Variants in TMX2 observed in about 807,000 individuals in gnomAD.
The protein encoded by TMX2 is thioredoxin related transmembrane protein 2, also known as thioredoxin-related transmembrane protein 2.
A neutral mutation model predicts 33.4 loss-of-function variants in TMX2; 20 were observed. That is an observed-to-expected ratio of 0.60 (90% CI 0.42 to 0.87). The LOEUF is 0.87. Ranked by LOEUF, TMX2 falls within the 40% of genes least tolerant of loss-of-function variation. The pLI, the probability that TMX2 is intolerant of heterozygous loss-of-function variation, is 0.00. For missense variants in TMX2, 340 were observed against 370.7 expected (o/e 0.92, Z 0.68); for synonymous variants, 166 against 140.7 (o/e 1.18, Z -1.27).
intron 1 of TMX2, among the ~76,000 whole-genome samples, chr11:57,721,332 A>G (rs1947613936): frequency 6.8e-6 from 1 of 147,258 alleles, no homozygotes; most frequent in Non-Finnish European, 1.5e-5. Context: ...TTTTATTTAA[A>G]TAAATAAATA....
intron 1 of TMX2, among the ~76,000 whole-genome samples, chr11:57,717,714 C>A (rs530426071): frequency 7.7e-5 from 1 of 12,920 alleles, no homozygotes; most frequent in Non-Finnish European, 1.1e-4. Context: ...AGAGGGAGAC[C>A]GAGAGGGAGA....
At chr11:57,740,024 A>G (rs1948994545) in intron 7 of TMX2, 75 bp from the exon 8 acceptor site, 1 of 1,601,750 alleles carries the variant, frequency 6.2e-7, no homozygotes, top group Non-Finnish European at 8.5e-7. Flanking sequence ...ACTTTGTGTA[A>G]AATACCTCTT....
chr11:57,740,252 C>T lies in TMX2; in HGVS notation c.*7C>T, dbSNP rs1429783587. On this transcript the variant is annotated 3_prime_UTR_variant, in exon 8 of 8. Coordinates refer to ENST00000278422, the MANE Select transcript of TMX2 (RefSeq NM_015959.4). ...AAACAAGAAGGATAAATAAGATCCT[C>T]ACTTTGGCAGTGCTTCCTCTCCTGT... 1.9e-6 allele frequency: 3 copies of T among 1,582,170 alleles called. No homozygotes were observed. Among genetic ancestry groups the T allele is most frequent in the African/African-American group, 1.4e-5 (1 of 73,408 alleles).
Position 57,738,026 on chromosome 11 carries a change from G to C in TMX2, c.364G>C (p.Val122Leu), listed in dbSNP as rs1278129355. The change falls in exon 3 of 8, where the codon GTG becomes CTG. Residue 122 changes from valine to leucine, a missense_variant and splice_region_variant. Physicochemically the swap from Val to Leu is conservative, Grantham distance 32 (BLOSUM62 1). Transcript: ENST00000278422. ...MGLLYITLCI[V>L]FLMTCKPPLY... ...CCTACTTTACATCACACTCTGCATA[G>C]GTGAGGAGACTGCCTTTCTTTCTTT... 6.3e-7 allele frequency: 1 copy of C among 1,576,030 alleles called. No individual in the cohort carries two copies. The highest frequency in any genetic ancestry group is 8.6e-7 in the Non-Finnish European group (1 of 1,165,282).
intron 1 of TMX2, among the ~76,000 whole-genome samples, chr11:57,727,524 T>TA (rs1948083978): frequency 6.6e-6 from 1 of 152,174 alleles, no homozygotes; most frequent in Non-Finnish European, 1.5e-5. Flanking sequence ...CTAAAAACCA[T>TA]AAATTCTCAT....
chr11:57,714,648 C>T (rs1303902898), intron 1 of TMX2, among the ~76,000 whole-genome samples: 1 of 151,998 alleles, frequency 6.6e-6, no homozygotes, highest in Non-Finnish European at 1.5e-5. Flanking sequence ...AGCTGGAGTG[C>T]AGTGATGTGA....
At chr11:57,715,509 C>G (rs1184586258) in intron 1 of TMX2, among the ~76,000 whole-genome samples, 2 of 150,194 alleles carry the variant, frequency 1.3e-5, no homozygotes, top group Non-Finnish European at 3.0e-5. Flanking sequence ...ACAAACAAAT[C>G]TGTCTAATCT....
chr11:57,731,118 GTTTTTTGTTT>G (rs1474548044), intron 1 of TMX2, among the ~76,000 whole-genome samples: 3 of 71,202 alleles, frequency 4.2e-5, no homozygotes, highest in African/African-American at 1.4e-4. Flanking sequence ...TCCGTTTTTT[GTTTTTTGTTT>G]TTTTTTTTTT....
intron 1 of TMX2, among the ~76,000 whole-genome samples, chr11:57,732,932 T>C (rs1050717300): frequency 1.3e-5 from 2 of 152,170 alleles, no homozygotes; most frequent in Non-Finnish European, 2.9e-5. Context: ...CAAACTTAGA[T>C]GGCCTACTAC....
Position 57,712,726 on chromosome 11 carries a change from C to T in TMX2, c.108C>T (p.Phe36=), listed in dbSNP as rs940241383. The change falls in exon 1 of 8, where the codon TTC becomes TTT. Residue 36 remains phenylalanine, a synonymous_variant. Transcript: ENST00000278422. ...TGTCGGCCCTGCTCTCTGCTGCCTTCCTACTCGTGAGGAAACTGCCGCCGC... is the reference window on the plus strand; with the variant it reads ...TGTCGGCCCTGCTCTCTGCTGCCTTTCTACTCGTGAGGAAACTGCCGCCGC... ...YLLSALLSAA[F]LLVRKLPPLC... is the part of the protein sequence containing the mutation. 1 of 1,614,084 alleles carries T rather than the reference C, an allele frequency of 6.2e-7. No homozygotes were observed. The highest frequency in any genetic ancestry group is 8.5e-7 in the Non-Finnish European group (1 of 1,180,044).
At chr11:57,732,857 C>T (rs915116397) in intron 1 of TMX2, among the ~76,000 whole-genome samples, 5 of 152,106 alleles carry the variant, frequency 3.3e-5, no homozygotes, top group African/African-American at 1.2e-4. Flanking sequence ...AAGTCCTAAC[C>T]TGCTAATCAT....
chr11:57,739,263 A>T lies in TMX2; in HGVS notation c.744+3A>T, dbSNP rs1948937804. 1 of 1,613,984 alleles carries T rather than the reference A, an allele frequency of 6.2e-7. No individual in the cohort carries two copies. The highest frequency in any genetic ancestry group is 8.5e-7 in the Non-Finnish European group (1 of 1,180,014). ...CTGTCTCATGGACCTTCTCTGAGGT[A>T]CCTGAAAGGAAGGGCAGGTGCATGA... On this transcript the variant is annotated splice_donor_region_variant and intron_variant, in intron 7 of 7. Transcript: ENST00000278422.
chr11:57,728,717 A>C (rs1248472089), intron 1 of TMX2, among the ~76,000 whole-genome samples: 1 of 152,068 alleles, frequency 6.6e-6, no homozygotes. Flanking sequence ...TGTGTGAGGA[A>C]CTGAACTGTT....
At chr11:57,713,368 C>G (rs150908509) in intron 1 of TMX2, among the ~76,000 whole-genome samples, 9 of 152,292 alleles carry the variant, frequency 5.9e-5, no homozygotes, top group Non-Finnish European at 8.8e-5. Context: ...TCTAGGCACT[C>G]TGCTTGATCC....
chr11:57,718,408 T>C, intron 1 of TMX2: 1 of 1,384,776 alleles, frequency 7.2e-7, no homozygotes, highest in Non-Finnish European at 1.0e-6. Flanking sequence ...ATCCTTTTTG[T>C]CCAGTGCTCA....
chr11:57,717,435 C>T (rs995247142), intron 1 of TMX2, among the ~76,000 whole-genome samples: 5 of 151,854 alleles, frequency 3.3e-5, no homozygotes, highest in African/African-American at 9.7e-5. Context: ...GTGAACCAGA[C>T]TCCGTCTGCA....
intron 1 of TMX2, among the ~76,000 whole-genome samples, chr11:57,716,705 G>T (rs1366604120): frequency 1.4e-5 from 2 of 145,590 alleles, no homozygotes; most frequent in Admixed American, 1.3e-4. Flanking sequence ...GGCAGGCCGG[G>T]TGGGGGGCTG....
intron 1 of TMX2, among the ~76,000 whole-genome samples, chr11:57,725,207 C>A (rs1377907660): frequency 2.0e-5 from 3 of 152,118 alleles, no homozygotes; most frequent in Non-Finnish European, 1.5e-5. Flanking sequence ...ATGGCAAAAA[C>A]TAAGCCCTGA....
intron 1 of TMX2, chr11:57,718,436 G>C (rs1042343912): frequency 1.7e-6 from 2 of 1,196,444 alleles, no homozygotes; most frequent in African/African-American, 1.5e-5. Context: ...AAAGTTTTCT[G>C]TTGTCTTTGG....
Sources: gnomAD v4.1 joint callset for allele counts (sites outside exome capture counted in the v4.1 genomes callset) on GRCh38, gnomAD v4.1.1 for gene constraint, MANE v1.5 for transcripts, NCBI Gene and HGNC (gene_info 2026-07-23, HGNC 2026-07-21) for gene names.